ASAP1: variants seen among roughly 807,000 people sequenced by gnomAD.
ASAP1 encodes the protein ArfGAP with SH3 domain, ankyrin repeat and PH domain 1, also known as arf-GAP with SH3 domain, ANK repeat and PH domain-containing protein 1.
In ASAP1, 43 loss-of-function variants were observed where a neutral mutation model predicts 145.2. The ratio of observed to expected loss-of-function variants is 0.30; its 90% CI spans 0.23 to 0.38. The LOEUF (loss-of-function observed/expected upper bound fraction) is 0.38, where lower values mean the gene tolerates loss of function less well. ASAP1 is among the 10% of genes least tolerant of loss of function. ASAP1 has a pLI of 1.00. For missense variants in ASAP1, 1,018 were observed against 1,355.3 expected (o/e 0.75, Z 3.91); for synonymous variants, 546 against 515.5 (o/e 1.06, Z -0.80).
At chr8:130,293,014 G>A (rs1822039948) in intron 3 of ASAP1, among the ~76,000 whole-genome samples, 1 of 152,206 alleles carries the variant, frequency 6.6e-6, no homozygotes, top group African/African-American at 2.4e-5. Context: ...AAGATACTTG[G>A]CAAGTATTAA....
intron 18 of ASAP1, among the ~76,000 whole-genome samples, chr8:130,123,751 C>T (rs866417364): frequency 2.6e-5 from 4 of 152,060 alleles, no homozygotes; most frequent in African/African-American, 4.8e-5. Context: ...CTCAGCCTCC[C>T]GAGTAGCTGG....
intron 27 of ASAP1, among the ~76,000 whole-genome samples, chr8:130,072,940 T>C (rs1354491705): frequency 1.3e-5 from 2 of 150,442 alleles, no homozygotes; most frequent in East Asian, 3.9e-4. Flanking sequence ...GTCTGCTGCT[T>C]GGTGTGTGGG....
chr8:130,309,713 T>C (rs1823215170), intron 3 of ASAP1, among the ~76,000 whole-genome samples: 1 of 152,170 alleles, frequency 6.6e-6, no homozygotes, highest in African/African-American at 2.4e-5. Context: ...CATTCATGGC[T>C]AGGGGAAAAT....
intron 3 of ASAP1, among the ~76,000 whole-genome samples, chr8:130,283,707 G>C (rs1408769815): frequency 1.3e-5 from 2 of 151,306 alleles, no homozygotes; most frequent in African/African-American, 2.4e-5. Context: ...AACTTGATAA[G>C]AACAGAAAGT....
intron 11 of ASAP1, 64 bp from the exon 12 acceptor site, chr8:130,160,028 T>C: frequency 7.1e-7 from 1 of 1,407,998 alleles, no homozygotes; most frequent in Non-Finnish European, 1.0e-6. Flanking sequence ...TTGATTCTAT[T>C]CTGCCATTGA....
At chr8:130,248,589 G>C (rs191836314) in intron 3 of ASAP1, among the ~76,000 whole-genome samples, 10 of 152,260 alleles carry the variant, frequency 6.6e-5, no homozygotes, top group Admixed American at 2.0e-4. Flanking sequence ...TTAGAACAAA[G>C]ACGTGATTAG....
chr8:130,368,629 T>C (rs1191661502), intron 2 of ASAP1, among the ~76,000 whole-genome samples: 1 of 152,314 alleles, frequency 6.6e-6, no homozygotes, highest in African/African-American at 2.4e-5. Context: ...GAATCCTTCA[T>C]GGAGGACTGA....
intron 24 of ASAP1, among the ~76,000 whole-genome samples, chr8:130,107,979 CTTAGT>C (rs1473766330): frequency 6.6e-6 from 1 of 152,222 alleles, no homozygotes; most frequent in Non-Finnish European, 1.5e-5. Flanking sequence ...ACTGATCTGC[CTTAGT>C]TTGTTACTCT....
At chr8:130,243,317 T>C (rs1818654699) in intron 3 of ASAP1, among the ~76,000 whole-genome samples, 1 of 152,130 alleles carries the variant, frequency 6.6e-6, no homozygotes, top group African/African-American at 2.4e-5. Context: ...CCTGCGTCTC[T>C]CCCTGTACTC....
chr8:130,207,378 G>A (rs1483978867), intron 5 of ASAP1, among the ~76,000 whole-genome samples: 1 of 152,062 alleles, frequency 6.6e-6, no homozygotes, highest in Admixed American at 6.6e-5. Context: ...TACATGCTAC[G>A]AACTGAATGC....
At chr8:130,416,946 T>C (rs1829500093) in intron 1 of ASAP1, among the ~76,000 whole-genome samples, 1 of 152,214 alleles carries the variant, frequency 6.6e-6, no homozygotes, top group South Asian at 2.1e-4. Flanking sequence ...AGTGGGATAA[T>C]ACATAGCCAA....
intron 3 of ASAP1, among the ~76,000 whole-genome samples, chr8:130,239,157 C>CTGTCATGCTGCA (rs1017341536): frequency 6.6e-6 from 1 of 152,080 alleles, no homozygotes; most frequent in Admixed American, 6.6e-5. Flanking sequence ...TCTCACATAC[C>CTGTCATGCTGCA]TGTCATGCTG....
At chr8:130,370,808 C>T (rs1175326011) in intron 2 of ASAP1, among the ~76,000 whole-genome samples, 2 of 152,168 alleles carry the variant, frequency 1.3e-5, no homozygotes, top group African/African-American at 4.8e-5. Context: ...CAAAAGACCA[C>T]ATACTGTATG....
intron 4 of ASAP1, among the ~76,000 whole-genome samples, chr8:130,221,615 C>T (rs1565104994): frequency 6.6e-6 from 1 of 152,172 alleles, no homozygotes; most frequent in Non-Finnish European, 1.5e-5. Context: ...CTAGGCCTAG[C>T]TGCTTCTTTG....
chr8:130,183,152 C>T (rs969434849), intron 7 of ASAP1, among the ~76,000 whole-genome samples: 2 of 152,134 alleles, frequency 1.3e-5, no homozygotes, highest in South Asian at 2.1e-4. Context: ...GAAGACTCTT[C>T]GTAAAACCTT....
chr8:130,355,640 G>A (rs943691306), intron 3 of ASAP1, among the ~76,000 whole-genome samples: 7 of 152,102 alleles, frequency 4.6e-5, no homozygotes, highest in Admixed American at 6.5e-5. Context: ...ATTGAGTGTG[G>A]TAATGTTAAG....
intron 15 of ASAP1, among the ~76,000 whole-genome samples, chr8:130,130,267 G>C (rs1182782356): frequency 1.3e-5 from 2 of 152,204 alleles, no homozygotes; most frequent in Admixed American, 1.3e-4. Context: ...GGAAACTGAA[G>C]TTATATGACT....
chr8:130,343,925 A>C (rs1565227741), intron 3 of ASAP1, among the ~76,000 whole-genome samples: 1 of 152,228 alleles, frequency 6.6e-6, no homozygotes, highest in Non-Finnish European at 1.5e-5. Flanking sequence ...ACTTGAAGTG[A>C]CAGTAGCGGC....
chr8:130,320,977 C>G (rs959777855), intron 3 of ASAP1, among the ~76,000 whole-genome samples: 1 of 152,132 alleles, frequency 6.6e-6, no homozygotes, highest in Admixed American at 6.5e-5. Flanking sequence ...ATAGAGACAA[C>G]CAGAAATTTG....
Sources: gnomAD v4.1 joint callset for allele counts (sites outside exome capture counted in the v4.1 genomes callset) on GRCh38, gnomAD v4.1.1 for gene constraint, MANE v1.5 for transcripts, NCBI Gene and HGNC (gene_info 2026-07-23, HGNC 2026-07-21) for gene names.